CHST12: variants seen among roughly 807,000 people sequenced by gnomAD.
The protein encoded by CHST12 is carbohydrate sulfotransferase 12.
Under a neutral mutation model 27.9 loss-of-function variants are expected in CHST12, and 23 were observed. The ratio of observed to expected loss-of-function variants is 0.82; its 90% CI spans 0.59 to 1.17. The LOEUF (loss-of-function observed/expected upper bound fraction) is 1.17, where lower values mean the gene tolerates loss of function less well. Ranked by LOEUF, CHST12 falls within the 50% of genes most tolerant of loss-of-function variation. The pLI, the probability that CHST12 is intolerant of heterozygous loss-of-function variation, is 0.00. For synonymous variants in CHST12, 322 were observed against 273.0 expected, an observed-to-expected ratio of 1.18 and a Z score of -1.77; for missense variants, 682 against 603.0, an observed-to-expected ratio of 1.13 and a Z score of -1.37.
At position 2,432,141 on chromosome 7, in the gene CHST12, C is replaced by CAAAAAAAAAAAAAAAAAAAAA. The variant is rs34061454; in HGVS notation, c.-77-406_-77-386dup. 5.3e-4 allele frequency among the ~76,000 whole-genome samples: 9 copies of CAAAAAAAAAAAAAAAAAAAAA among 17,110 alleles called. 3 individuals are homozygous for CAAAAAAAAAAAAAAAAAAAAA. The highest frequency in any genetic ancestry group is 9.5e-4 in the African/African-American group (4 of 4,200). 11.2% of individuals were successfully genotyped at this position (17,110 alleles called of 152,430 possible). Reference sequence around the variant, plus strand: ...TGGGCGACAGAGCGAGACTCCATATCAAAAAAAAAAAAAAAAAAAAAAAAA... The same window carrying CAAAAAAAAAAAAAAAAAAAAA: ...TGGGCGACAGAGCGAGACTCCATATCAAAAAAAAAAAAAAAAAAAAAAAAAAAAAAAAAAAAAAAAAAAAAA... On this transcript the variant is annotated intron_variant, in intron 1 of 1. Coordinates refer to ENST00000618655, the MANE Select transcript of CHST12 (RefSeq NM_018641.5).
chr7:2,404,081 C>G (rs1366396715), intron 1 of CHST12: 2 of 152,422 alleles, frequency 1.3e-5, no homozygotes, highest in Non-Finnish European at 2.9e-5. Context: ...AGGACCAATT[C>G]CCGGGCTTGG....
At chr7:2,420,168 T>C (rs1482188451) in intron 1 of CHST12, among the ~76,000 whole-genome samples, 1 of 151,424 alleles carries the variant, frequency 6.6e-6, no homozygotes, top group Non-Finnish European at 1.5e-5. Flanking sequence ...AGAGACGGGG[T>C]TTCACCGTGT....
chr7:2,419,312 G>T (rs1422795162), intron 1 of CHST12, among the ~76,000 whole-genome samples: 1 of 151,404 alleles, frequency 6.6e-6, no homozygotes, highest in Non-Finnish European at 1.5e-5. Context: ...GGAGGCTGAG[G>T]TGGGAGGATC....
rs772772822 is a variant in CHST12 at position 2,432,607 on chromosome 7, G to C, written c.-33G>C. 1.0e-5 allele frequency: 16 copies of C among 1,580,252 alleles called. No homozygotes were observed. Among genetic ancestry groups the C allele is most frequent in the Admixed American group, 3.5e-5 (2 of 57,428 alleles). ...GGCTCTGCAGGAAGCTGAAGTGAGA[G>C]GCCCGGAGAGGGCCCAGCCCGCCCG... is the stretch of plus-strand genomic sequence containing the variant. On this transcript the variant is annotated 5_prime_UTR_variant, in exon 2 of 2. Transcript: ENST00000618655.
chr7:2,429,990 C>G (rs1283172866), intron 1 of CHST12, among the ~76,000 whole-genome samples: 1 of 152,032 alleles, frequency 6.6e-6, no homozygotes, highest in African/African-American at 2.4e-5. Context: ...GCCATGTTGT[C>G]TAGGCTGGTC....
rs1160741069 is a variant in CHST12 at position 2,444,770 on chromosome 7, C to T, written c.*10886C>T. 6.6e-6 allele frequency: 1 copy of T among 152,216 alleles called. No homozygotes were observed. Among genetic ancestry groups the T allele is most frequent in the Non-Finnish European group, 1.5e-5 (1 of 68,072 alleles). The allele number at this position is 152,216 out of a possible 1,614,324, so 9.4% of individuals were successfully genotyped here. On this transcript the variant is annotated 3_prime_UTR_variant, in exon 2 of 2. Coordinates refer to ENST00000618655, the MANE Select transcript of CHST12 (RefSeq NM_018641.5). The stretch of plus-strand genomic sequence containing the variant: ...GGCTACAAGGCAAAAATCCCCTACT[C>T]CCCCTGGGCTCCTTCACAGTTTGTG...
chr7:2,407,949 A>G (rs933618151), intron 1 of CHST12, among the ~76,000 whole-genome samples: 2 of 152,036 alleles, frequency 1.3e-5, no homozygotes, highest in Non-Finnish European at 2.9e-5. Context: ...TTAAAAAATT[A>G]AAAGTCTGGG....
At chr7:2,409,937 A>T (rs958321490) in intron 1 of CHST12, among the ~76,000 whole-genome samples, 1 of 150,916 alleles carries the variant, frequency 6.6e-6, no homozygotes, top group Admixed American at 6.6e-5. Context: ...TTTATCAGAG[A>T]TTCTGAGCAC....
chr7:2,424,583 C>T (rs1282154560), intron 1 of CHST12, among the ~76,000 whole-genome samples: 1 of 152,142 alleles, frequency 6.6e-6, no homozygotes, highest in Non-Finnish European at 1.5e-5. Context: ...CCCGGGCAAT[C>T]CGCCTGTTTG....
At position 2,442,386 on chromosome 7, in the gene CHST12, C is replaced by CG. The variant is rs1406709211; in HGVS notation, c.*8504dup. ...AAGTCCCTGCTGTTTTCTTTTGAGACGGAGTCTCGCTCTGTCTCCCAGGCT... is the reference window on the plus strand; with the variant it reads ...AAGTCCCTGCTGTTTTCTTTTGAGACGGGAGTCTCGCTCTGTCTCCCAGGCT... On this transcript the variant is annotated 3_prime_UTR_variant, in exon 2 of 2. Coordinates refer to ENST00000618655, the MANE Select transcript of CHST12 (RefSeq NM_018641.5). The CG allele has an allele frequency of 3.3e-5, 5 of 152,350 alleles. No individual in the cohort carries two copies. Among genetic ancestry groups the CG allele is most frequent in the South Asian group, 2.1e-4 (1 of 4,824 alleles). 9.4% of individuals were successfully genotyped at this position (152,350 alleles called of 1,614,324 possible). A position where few individuals can be genotyped will look rare whatever the true frequency, so the allele number is the denominator to read the frequency against.
At chr7:2,417,081 T>C (rs1781828628) in intron 1 of CHST12, among the ~76,000 whole-genome samples, 2 of 152,118 alleles carry the variant, frequency 1.3e-5, no homozygotes, top group Admixed American at 1.3e-4. Flanking sequence ...TGATAAGAAA[T>C]TGGCTCACAC....
intron 1 of CHST12, among the ~76,000 whole-genome samples, chr7:2,422,999 G>C (rs1042841480): frequency 3.3e-5 from 5 of 151,802 alleles, no homozygotes; most frequent in Non-Finnish European, 4.4e-5. Flanking sequence ...TTAAAAATAG[G>C]CTGCAGTGGC....
intron 1 of CHST12, among the ~76,000 whole-genome samples, chr7:2,403,920 C>T (rs1781451445): frequency 6.6e-6 from 1 of 152,088 alleles, no homozygotes; most frequent in African/African-American, 2.4e-5. Context: ...GGGGACCCAG[C>T]CCTGGGGCCC....
At chr7:2,426,850 G>A (rs1181942732) in intron 1 of CHST12, among the ~76,000 whole-genome samples, 2 of 152,018 alleles carry the variant, frequency 1.3e-5, no homozygotes, top group South Asian at 2.1e-4. Flanking sequence ...AATTAGCCGG[G>A]TGTCAGGGTG....
rs1046714127 is a variant in CHST12, at chr7:2,434,078, G to A, written c.*194G>A. ...AATACGAAATGTGGAAGGGAATGCT[G>A]GAGTAAAATATCCCCTCTCCCCTCC... On this transcript the variant is annotated 3_prime_UTR_variant, in exon 2 of 2. Coordinates refer to ENST00000618655, the MANE Select transcript of CHST12 (RefSeq NM_018641.5). The A allele has an allele frequency of 2.0e-6, 1 of 488,742 alleles. No individual in the cohort carries two copies. The highest frequency in any genetic ancestry group is 3.6e-6 in the Non-Finnish European group (1 of 275,174). The allele number at this position is 488,742 out of a possible 1,614,324, so 30.3% of individuals were successfully genotyped here.
chr7:2,410,303 C>T (rs1781634627), intron 1 of CHST12, among the ~76,000 whole-genome samples: 1 of 152,168 alleles, frequency 6.6e-6, no homozygotes. Context: ...GGACGAGGAC[C>T]TCCCTTTTAA....
intron 1 of CHST12, among the ~76,000 whole-genome samples, chr7:2,410,014 C>G (rs1162877996): frequency 2.0e-5 from 3 of 151,954 alleles, no homozygotes; most frequent in Non-Finnish European, 2.9e-5. Context: ...GTGATATGAT[C>G]TCATTGCAGC....
At chr7:2,420,354 T>C (rs1338978094) in intron 1 of CHST12, among the ~76,000 whole-genome samples, 1 of 152,160 alleles carries the variant, frequency 6.6e-6, no homozygotes, top group Non-Finnish European at 1.5e-5. Context: ...TGTGTCAGAA[T>C]TTCCTTTCTT....
intron 1 of CHST12, among the ~76,000 whole-genome samples, chr7:2,407,120 C>G (rs965263443): frequency 3.3e-5 from 5 of 151,462 alleles, no homozygotes; most frequent in African/African-American, 1.2e-4. Context: ...GAAAGTAGAA[C>G]AGAAAAGCAA....
Sources: allele counts gnomAD v4.1 joint callset (sites outside exome capture counted in the v4.1 genomes callset), GRCh38; gene constraint gnomAD v4.1.1; transcripts MANE v1.5; gene names NCBI Gene and HGNC (gene_info 2026-07-23, HGNC 2026-07-21).